The following IGF2BP3 variants were observed in gnomAD, a reference collection of about 807,000 sequenced individuals.
The protein encoded by IGF2BP3 is insulin-like growth factor 2 mRNA-binding protein 3.
A neutral mutation model predicts 73.8 loss-of-function variants in IGF2BP3; 9 were observed. The ratio of observed to expected loss-of-function variants is 0.12; its 90% CI spans 0.07 to 0.21. IGF2BP3 has a LOEUF of 0.21. Among genes scored for constraint, IGF2BP3 ranks in the 10% least tolerant of loss-of-function variants. The probability of loss-of-function intolerance (pLI) is 1.00; values close to 1 mark genes in which losing one functional copy is unlikely to be tolerated. For missense variants in IGF2BP3, 542 were observed against 714.0 expected, an observed-to-expected ratio of 0.76 and a Z score of 2.75; for synonymous variants, 258 against 256.7, an observed-to-expected ratio of 1.01 and a Z score of -0.05.
intron 2 of IGF2BP3, among the ~76,000 whole-genome samples, chr7:23,426,493 T>C (rs956658650): frequency 1.3e-5 from 2 of 152,202 alleles, no homozygotes; most frequent in Admixed American, 1.3e-4. Context: ...ATAAGATCCA[T>C]ATGTGGCATT....
At chr7:23,355,852 G>C (rs907703780) in intron 5 of IGF2BP3, among the ~76,000 whole-genome samples, 2 of 151,690 alleles carry the variant, frequency 1.3e-5, no homozygotes, top group African/African-American at 4.8e-5. Context: ...AGAATTGCTT[G>C]AATCTGGGAG....
In IGF2BP3 at chr7:23,468,333, G is replaced by C. The variant is rs1174687456; in HGVS notation, c.236+149C>G. On this transcript the variant is annotated intron_variant, in intron 2 of 14. Transcript: ENST00000258729. ...CAGCATCATCAACACACACACCCCC[G>C]CCATAAACTTAAAAGCAAGGATTAA... The C allele has an allele frequency of 8.9e-6, 7 of 788,286 alleles. No individual in the cohort carries two copies. The South Asian group carries it at 1.1e-4, about 12-fold the overall frequency. 48.8% of individuals were successfully genotyped at this position (788,286 alleles called of 1,614,324 possible).
At chr7:23,386,614 G>T (rs544913727) in intron 3 of IGF2BP3, among the ~76,000 whole-genome samples, 110 of 152,316 alleles carry the variant, frequency 7.2e-4, no homozygotes, top group Non-Finnish European at 1.3e-3. Context: ...AGATTGAACA[G>T]ATCTCCAAGG....
rs543427191 is a variant in IGF2BP3, at chr7:23,376,594, G to A, written c.286-14853C>T. Among the ~76,000 whole-genome samples, 18 of 151,542 alleles carry A rather than the reference G, an allele frequency of 1.2e-4. No individual in the cohort carries two copies. The South Asian group carries it at 2.7e-3, about 23-fold the overall frequency. On this transcript the variant is annotated intron_variant, in intron 3 of 14. Transcript: ENST00000258729. ...AAGAAAAAGCCTTGAGGCTGGGCAC[G>A]GTGGCTCACACCTATAATCCCAACA...
At chr7:23,319,363 A>C in intron 10 of IGF2BP3, 109 bp from the exon 11 acceptor site, 1 of 691,482 alleles carries the variant, frequency 1.4e-6, no homozygotes, top group East Asian at 2.6e-5. Flanking sequence ...ATACCAGGAA[A>C]GTTTAAGGAA....
At chr7:23,371,216 G>A (rs1437761275) in intron 3 of IGF2BP3, among the ~76,000 whole-genome samples, 2 of 152,004 alleles carry the variant, frequency 1.3e-5, no homozygotes, top group South Asian at 2.1e-4. Context: ...TCATTGGGGA[G>A]GGGTTTCTAG....
chr7:23,310,979 A>G lies in IGF2BP3; in HGVS notation c.*1383T>C, dbSNP rs1158362707. 2.0e-5 allele frequency: 3 copies of G among 152,178 alleles called. No homozygotes were observed. Among genetic ancestry groups the G allele is most frequent in the East Asian group, 1.9e-4 (1 of 5,196 alleles). The allele number at this position is 152,178 out of a possible 1,614,324, so 9.4% of individuals were successfully genotyped here. A position where few individuals can be genotyped will look rare whatever the true frequency, so the allele number is the denominator to read the frequency against. Reference sequence around the variant, plus strand: ...GCAAATGAGTTCGTTATCAAAGGTCATATGTTTTCACAGTCATTCAAATTA... The same window carrying G: ...GCAAATGAGTTCGTTATCAAAGGTCGTATGTTTTCACAGTCATTCAAATTA... On this transcript the variant is annotated 3_prime_UTR_variant, in exon 15 of 15. Transcript: ENST00000258729.
In IGF2BP3 at chr7:23,470,147, A is replaced by C. The variant is rs753757333; in HGVS notation, c.-37T>G. The C allele has an allele frequency of 5.8e-6, 9 of 1,552,414 alleles. No individual in the cohort carries two copies. The highest frequency in any genetic ancestry group is 7.8e-6 in the Non-Finnish European group (9 of 1,147,822). On this transcript the variant is annotated 5_prime_UTR_variant, in exon 1 of 15. Coordinates refer to ENST00000258729, the MANE Select transcript of IGF2BP3 (RefSeq NM_006547.3). The stretch of plus-strand genomic sequence containing the variant: ...GTTGTTTAAAAAAAAATAACGAGAA[A>C]AAACGAAAAATTAAAACCACCCACG...
At chr7:23,351,949 A>G (rs972774095) in intron 5 of IGF2BP3, among the ~76,000 whole-genome samples, 1 of 152,250 alleles carries the variant, frequency 6.6e-6, no homozygotes, top group African/African-American at 2.4e-5. Flanking sequence ...GCAGCAAGAG[A>G]GAAGCAAGTG....
chr7:23,354,038 G>A (rs545566035), intron 5 of IGF2BP3, among the ~76,000 whole-genome samples: 1 of 152,136 alleles, frequency 6.6e-6, no homozygotes, highest in African/African-American at 2.4e-5. Context: ...TTGTTGCCCA[G>A]GCTGGAGCAC....
chr7:23,399,661 C>G (rs558147503), intron 3 of IGF2BP3, among the ~76,000 whole-genome samples: 15 of 152,172 alleles, frequency 9.9e-5, no homozygotes, highest in African/African-American at 3.6e-4. Flanking sequence ...ACTAATATAC[C>G]TATTCTTATT....
intron 3 of IGF2BP3, among the ~76,000 whole-genome samples, chr7:23,411,083 T>G (rs1787003935): frequency 6.6e-6 from 1 of 152,138 alleles, no homozygotes; most frequent in South Asian, 2.1e-4. Context: ...AACATGCAGT[T>G]TATCTGCTAT....
At chr7:23,338,412 T>G (rs1252192547) in intron 10 of IGF2BP3, among the ~76,000 whole-genome samples, 1 of 152,138 alleles carries the variant, frequency 6.6e-6, no homozygotes, top group Non-Finnish European at 1.5e-5. Context: ...TCCCAGCTAC[T>G]TGGGAGTCAG....
At chr7:23,444,742 CAAAA>C (rs56029431) in intron 2 of IGF2BP3, among the ~76,000 whole-genome samples, 23 of 82,882 alleles carry the variant, frequency 2.8e-4, no homozygotes, top group African/African-American at 9.0e-4. Flanking sequence ...GACTCTGTCT[CAAAA>C]AAAAAAAAAA....
intron 10 of IGF2BP3, among the ~76,000 whole-genome samples, chr7:23,338,687 G>T (rs887246684): frequency 2.6e-5 from 4 of 152,060 alleles, no homozygotes; most frequent in Non-Finnish European, 5.9e-5. Flanking sequence ...TTTCAAAATT[G>T]ATACCTTTGC....
chr7:23,442,147 G>T (rs1787952173), intron 2 of IGF2BP3, among the ~76,000 whole-genome samples: 1 of 152,150 alleles, frequency 6.6e-6, no homozygotes, highest in South Asian at 2.1e-4. Flanking sequence ...TTTTTAAAAA[G>T]TTAATTTTTC....
intron 10 of IGF2BP3, among the ~76,000 whole-genome samples, chr7:23,328,334 G>A (rs1784357647): frequency 6.6e-6 from 1 of 152,090 alleles, no homozygotes; most frequent in African/African-American, 2.4e-5. Flanking sequence ...TCAGCCTCCT[G>A]AGTAGCTGGG....
In IGF2BP3 at chr7:23,432,276, T is replaced by C. The variant is rs1425562331; in HGVS notation, c.237-13452A>G. On this transcript the variant is annotated intron_variant, in intron 2 of 14. Transcript: ENST00000258729. ...AGACTGAATGTTTTTCTACGTACTC[T>C]CTTACTACTATTGTTTGCTTGCATT... Among the ~76,000 whole-genome samples the C allele has an allele frequency of 3.3e-5, 5 of 152,236 alleles. No individual in the cohort carries two copies. The East Asian group carries it at 9.6e-4, about 29-fold the overall frequency.
intron 5 of IGF2BP3, among the ~76,000 whole-genome samples, chr7:23,358,889 G>A (rs565999803): frequency 4.6e-5 from 7 of 152,244 alleles, no homozygotes; most frequent in African/African-American, 1.7e-4. Context: ...TTATAAGGCC[G>A]CTTGACAGGG....
Sources: gnomAD v4.1 joint callset for allele counts (sites outside exome capture counted in the v4.1 genomes callset) on GRCh38, gnomAD v4.1.1 for gene constraint, MANE v1.5 for transcripts, NCBI Gene and HGNC (gene_info 2026-07-23, HGNC 2026-07-21) for gene names.